LRP1B: variants seen among roughly 807,000 people sequenced by gnomAD.
The protein encoded by LRP1B is LDL receptor related protein 1B.
Under a neutral mutation model 556.6 loss-of-function variants are expected in LRP1B, and 217 were observed. The observed-to-expected ratio is 0.39, with a 90% CI of 0.35 to 0.44. LRP1B has a LOEUF of 0.44. LRP1B is among the 20% of genes least tolerant of loss of function. The pLI, the probability that LRP1B is intolerant of heterozygous loss-of-function variation, is 1.00. For missense variants in LRP1B, 5,053 were observed against 5,620.8 expected, an observed-to-expected ratio of 0.90 and a Z score of 3.23; for synonymous variants, 2,047 against 1,865.8, an observed-to-expected ratio of 1.10 and a Z score of -2.50.
Position 140,446,351 on chromosome 2 carries a change from CATT to C in LRP1B, c.10058-1675_10058-1673del, listed in dbSNP as rs529740028. Among the ~76,000 whole-genome samples the C allele has an allele frequency of 1.1e-3, 162 of 152,220 alleles. 1 individual carries two copies. Among genetic ancestry groups the C allele is most frequent in the African/African-American group, 3.7e-3 (155 of 41,544 alleles). On this transcript the variant is annotated intron_variant, in intron 63 of 90. Transcript: ENST00000389484. ...AAGTGTATTAGAGTATTATAAGAAACATTATTACAAATTTGTGATGCCAGAGAA... is the reference window on the plus strand; with the variant it reads ...AAGTGTATTAGAGTATTATAAGAAACATTACAAATTTGTGATGCCAGAGAA...
At chr2:141,861,477 T>C (rs1698237198) in intron 1 of LRP1B, among the ~76,000 whole-genome samples, 1 of 152,240 alleles carries the variant, frequency 6.6e-6, no homozygotes, top group South Asian at 2.1e-4. Flanking sequence ...TCTGCCTAGC[T>C]GTCTTTTCCC....
chr2:140,369,451 G>A (rs1230593613), intron 71 of LRP1B, among the ~76,000 whole-genome samples: 2 of 151,954 alleles, frequency 1.3e-5, no homozygotes, highest in Admixed American at 6.6e-5. Flanking sequence ...AAAGTCGCAT[G>A]AGTTATTGCT....
chr2:141,202,886 A>AC (rs1214904686), intron 6 of LRP1B, among the ~76,000 whole-genome samples: 1 of 150,440 alleles, frequency 6.6e-6, no homozygotes, highest in Non-Finnish European at 1.5e-5. Flanking sequence ...CCTAACCCCC[A>AC]CCCCCCGACA....
chr2:141,673,772 C>T (rs112656241), intron 2 of LRP1B, among the ~76,000 whole-genome samples: 2 of 151,950 alleles, frequency 1.3e-5, no homozygotes, highest in African/African-American at 4.8e-5. Flanking sequence ...TAATGTAGTG[C>T]CATAGATCAT....
intron 60 of LRP1B, among the ~76,000 whole-genome samples, chr2:140,464,835 C>A (rs1377179455): frequency 6.6e-6 from 1 of 152,068 alleles, no homozygotes; most frequent in Non-Finnish European, 1.5e-5. Context: ...AAGCATTTGC[C>A]TCTGGGACAC....
At chr2:141,973,460 G>A (rs1441800955) in intron 1 of LRP1B, among the ~76,000 whole-genome samples, 1 of 151,702 alleles carries the variant, frequency 6.6e-6, no homozygotes, top group Non-Finnish European at 1.5e-5. Context: ...AAAATTTCCT[G>A]AGACCAGAAG....
In LRP1B at chr2:140,929,756, T is replaced by TCACACACACACACACACA. The variant is rs3063648; in HGVS notation, c.3137-6627_3137-6610dup. On this transcript the variant is annotated intron_variant, in intron 20 of 90. Transcript: ENST00000389484. Reference sequence around the variant, plus strand: ...AAGTTTATACCACAGTCATATAGACTCACACACACACACACACACACACAC... The same window carrying TCACACACACACACACACA: ...AAGTTTATACCACAGTCATATAGACTCACACACACACACACACACACACACACACACACACACACACAC... Among the ~76,000 whole-genome samples, 19 of 139,320 alleles carry TCACACACACACACACACA rather than the reference T, an allele frequency of 1.4e-4. No homozygotes were observed. In the East Asian group the frequency reaches 2.4e-3, roughly 18 times the overall value. 91.4% of individuals were successfully genotyped at this position (139,320 alleles called of 152,430 possible).
At chr2:140,819,194 T>A (rs1486965698) in intron 31 of LRP1B, among the ~76,000 whole-genome samples, 1 of 150,050 alleles carries the variant, frequency 6.7e-6, no homozygotes, top group African/African-American at 2.4e-5. Flanking sequence ...TATTTATGAG[T>A]GGTATAAATG....
intron 3 of LRP1B, among the ~76,000 whole-genome samples, chr2:141,363,979 G>T (rs1229456695): frequency 5.3e-5 from 8 of 151,994 alleles, no homozygotes. Flanking sequence ...CAAGTAAACA[G>T]AATCAAATTT....
At chr2:141,050,593 C>T (rs1699008491) in intron 10 of LRP1B, among the ~76,000 whole-genome samples, 1 of 151,882 alleles carries the variant, frequency 6.6e-6, no homozygotes, top group African/African-American at 2.4e-5. Flanking sequence ...TGAAAACATG[C>T]AGGGTTTGGT....
intron 1 of LRP1B, among the ~76,000 whole-genome samples, chr2:141,866,905 GGGAAAAAAAGGAA>G (rs1278716127): frequency 1.3e-5 from 2 of 151,500 alleles, no homozygotes; most frequent in Admixed American, 6.6e-5. Flanking sequence ...TGAAATAAGG[GGGAAAAAAAGGAA>G]GGAAAGAAGA....
intron 83 of LRP1B, among the ~76,000 whole-genome samples, chr2:140,305,134 T>C (rs1331636654): frequency 6.6e-6 from 1 of 152,206 alleles, no homozygotes; most frequent in Admixed American, 6.5e-5. Flanking sequence ...GCCTTGGCAA[T>C]GTGGGCTCTT....
intron 3 of LRP1B, among the ~76,000 whole-genome samples, chr2:141,355,101 G>C (rs1688578368): frequency 6.6e-6 from 1 of 151,934 alleles, no homozygotes; most frequent in Admixed American, 6.6e-5. Flanking sequence ...TTTCATATTT[G>C]TATGTCATGT....
chr2:141,042,904 G>A (rs1004502), intron 11 of LRP1B, among the ~76,000 whole-genome samples: 2 of 151,378 alleles, frequency 1.3e-5, no homozygotes, highest in Non-Finnish European at 2.9e-5. Flanking sequence ...CATACTTTAC[G>A]TAAAATTATA....
At chr2:140,955,968 C>T (rs1202346400) in intron 18 of LRP1B, among the ~76,000 whole-genome samples, 1 of 151,476 alleles carries the variant, frequency 6.6e-6, no homozygotes, top group Non-Finnish European at 1.5e-5. Flanking sequence ...AACACATGAG[C>T]TATATAGATA....
chr2:141,783,643 T>C (rs1695334311), intron 2 of LRP1B, among the ~76,000 whole-genome samples: 1 of 151,954 alleles, frequency 6.6e-6, no homozygotes. Context: ...TTTGAAACTT[T>C]CAGCAGCATA....
intron 31 of LRP1B, among the ~76,000 whole-genome samples, chr2:140,833,406 C>A (rs1436923289): frequency 6.6e-6 from 1 of 152,140 alleles, no homozygotes. Context: ...ACAACTATGA[C>A]CACCATCACT....
At chr2:142,000,102 A>G (rs1702611174) in intron 1 of LRP1B, among the ~76,000 whole-genome samples, 1 of 151,844 alleles carries the variant, frequency 6.6e-6, no homozygotes. Flanking sequence ...CATATTTAAG[A>G]ACTTAAAACT....
chr2:140,810,188 A>C lies in LRP1B; in HGVS notation c.5359+3469T>G, dbSNP rs528964750. On this transcript the variant is annotated intron_variant, in intron 32 of 90. Transcript: ENST00000389484. ...ATCCTTGAGGTTTAAAAACTTGTGC[A>C]AAGTGTTCAAAGAGATTTTTTTTAA... Among the ~76,000 whole-genome samples, 4 of 132,764 alleles carry C rather than the reference A, an allele frequency of 3.0e-5. No individual in the cohort carries two copies. The South Asian group carries it at 1.0e-3, about 33-fold the overall frequency. 87.1% of individuals were successfully genotyped at this position (132,764 alleles called of 152,430 possible).
Sources: gnomAD v4.1 joint callset for allele counts (sites outside exome capture counted in the v4.1 genomes callset) on GRCh38, gnomAD v4.1.1 for gene constraint, MANE v1.5 for transcripts, NCBI Gene and HGNC (gene_info 2026-07-23, HGNC 2026-07-21) for gene names.